EWSR1: variants seen among roughly 807,000 people sequenced by gnomAD.
EWSR1 encodes EWS RNA binding protein 1.
EWSR1 carries 14 observed loss-of-function variants against 92.1 expected under a neutral mutation model. That is an observed-to-expected ratio of 0.15 (90% CI 0.10 to 0.24). The LOEUF (loss-of-function observed/expected upper bound fraction) is 0.24, where lower values mean the gene tolerates loss of function less well. Among genes scored for constraint, EWSR1 ranks in the 10% least tolerant of loss-of-function variants. The pLI is 1.00. For synonymous variants in EWSR1, 303 were observed against 292.9 expected (o/e 1.03, Z -0.35); for missense variants, 637 against 870.9 (o/e 0.73, Z 3.38).
chr22:29,297,861 C>T lies in EWSR1; in HGVS notation c.1329C>T (p.Ser443=). ...TTCAAGGGAGCAAACTTAAAGTCTCCCTTGCTCGGAAGAAGCCTCCAATGA... is the reference window on the plus strand; with the variant it reads ...TTCAAGGGAGCAAACTTAAAGTCTCTCTTGCTCGGAAGAAGCCTCCAATGA... ...KDFQGSKLKV[S]LARKKPPMNS... is the part of the protein sequence containing the mutation. Residue 443 remains serine (S), a synonymous_variant, in exon 13 of 17, where the codon TCC becomes TCT. Transcript: ENST00000397938. The T allele has an allele frequency of 6.2e-7, 1 of 1,613,980 alleles. No individual in the cohort carries two copies. Among genetic ancestry groups the T allele is most frequent in the Non-Finnish European group, 8.5e-7 (1 of 1,179,986 alleles).
chr22:29,277,897 G>A, intron 4 of EWSR1, 133 bp from the exon 5 acceptor site: 1 of 732,256 alleles, frequency 1.4e-6, no homozygotes, highest in Non-Finnish European at 2.2e-6. Context: ...TACTCTTGCG[G>A]AAGGGGGAAT....
chr22:29,283,559 C>T (rs895067000), intron 6 of EWSR1, among the ~76,000 whole-genome samples: 4 of 150,924 alleles, frequency 2.7e-5, no homozygotes, highest in Non-Finnish European at 2.9e-5. Flanking sequence ...GAGTTTCGCT[C>T]TTGTTGCCCA....
intron 4 of EWSR1, among the ~76,000 whole-genome samples, chr22:29,275,404 T>C (rs2059025731): frequency 6.6e-6 from 1 of 152,190 alleles, no homozygotes. Context: ...ACTGTGGGCC[T>C]AAAAAGTACA....
At chr22:29,297,391 T>G (rs1247284958) in intron 12 of EWSR1, among the ~76,000 whole-genome samples, 1 of 152,170 alleles carries the variant, frequency 6.6e-6, no homozygotes, top group East Asian at 1.9e-4. Flanking sequence ...TTAAGTGTAT[T>G]TAAGTATGGC....
Position 29,283,694 on chromosome 22 carries a change from A to AT in EWSR1, c.581+1148dup, listed in dbSNP as rs131183. 1.0e-4 allele frequency among the ~76,000 whole-genome samples: 15 copies of AT among 147,568 alleles called. No homozygotes were observed. In the South Asian group the frequency reaches 1.9e-3, roughly 19 times the overall value. On this transcript the variant is annotated intron_variant, in intron 6 of 16. Transcript: ENST00000397938. ...GTGCTCACTACCACACCTGGCAAAAATTTTTTTTTTTGTATTTTTAGTAGA... is the reference window on the plus strand; with the variant it reads ...GTGCTCACTACCACACCTGGCAAAAATTTTTTTTTTTTGTATTTTTAGTAGA...
At chr22:29,287,170 A>G (rs773639979) in intron 7 of EWSR1, 36 bp downstream of exon 7, 2 of 1,590,362 alleles carry the variant, frequency 1.3e-6, no homozygotes, top group Non-Finnish European at 1.7e-6. Context: ...ATAAGAATGA[A>G]TGTGTTTAGA....
chr22:29,281,466 G>T (rs2059596717), intron 5 of EWSR1, among the ~76,000 whole-genome samples: 1 of 151,948 alleles, frequency 6.6e-6, no homozygotes, highest in South Asian at 2.1e-4. Context: ...CACCATACCT[G>T]GCTAATATTT....
intron 6 of EWSR1, among the ~76,000 whole-genome samples, chr22:29,285,981 G>A (rs555374335): frequency 6.6e-6 from 1 of 152,186 alleles, no homozygotes; most frequent in South Asian, 2.1e-4. Flanking sequence ...GGGACTACAG[G>A]CGCCCACCAC....
chr22:29,287,109 A>G lies in EWSR1; in HGVS notation c.768A>G (p.Gln256=), dbSNP rs187368856. The G allele has an allele frequency of 4.2e-4, 674 of 1,614,096 alleles. 6 individuals carry two copies. In the East Asian group the frequency reaches 0.014, roughly 33 times the overall value. ...GCCAAGCTCCAAGTCAATATAGCCA[A>G]CAGAGCAGCAGCTACGGGCAGCAGA... ...SYSQAPSQYS[Q]QSSSYGQQSS... Residue 256 remains glutamine (Q), a synonymous_variant, in exon 7 of 17, where the codon CAA becomes CAG. Coordinates refer to ENST00000397938, the MANE Select transcript of EWSR1 (RefSeq NM_005243.4).
At chr22:29,280,837 C>CTAAT (rs1259210216) in intron 5 of EWSR1, among the ~76,000 whole-genome samples, 2 of 134,256 alleles carry the variant, frequency 1.5e-5, no homozygotes, top group Non-Finnish European at 3.1e-5. Flanking sequence ...CTCTGCCCAG[C>CTAAT]TAATTTTGTG....
chr22:29,298,996 ATGATGACCC>A (rs1453676880), intron 14 of EWSR1, 101 bp downstream of exon 14: 29 of 1,388,400 alleles, frequency 2.1e-5, no homozygotes, highest in Non-Finnish European at 2.8e-5. Context: ...GAGGAACAGA[ATGATGACCC>A]TGATGGCTGG....
intron 4 of EWSR1, chr22:29,275,586 G>T (rs994864693): frequency 4.4e-6 from 1 of 228,722 alleles, no homozygotes; most frequent in East Asian, 6.3e-5. Flanking sequence ...AGCAAACTGT[G>T]TGAACAAAAC....
At chr22:29,268,487 C>G (rs986388259) in intron 1 of EWSR1, 138 bp downstream of exon 1, 61 of 1,492,632 alleles carry the variant, frequency 4.1e-5, no homozygotes, top group Non-Finnish European at 4.3e-5. Flanking sequence ...GCCCGACGAG[C>G]TCGGGGATCC....
At chr22:29,274,389 A>G in intron 4 of EWSR1, 1 of 1,232,724 alleles carries the variant, frequency 8.1e-7, no homozygotes, top group Non-Finnish European at 1.2e-6. Context: ...CAAACTTTCT[A>G]ACATCACACA....
chr22:29,298,930 A>T, intron 14 of EWSR1, 35 bp downstream of exon 14: 2 of 1,517,900 alleles, frequency 1.3e-6, no homozygotes, highest in South Asian at 2.7e-5. Flanking sequence ...ATACCCTACG[A>T]GTGAAGCCAC....
Position 29,290,531 on chromosome 22 carries a change from T to A in EWSR1, c.975-1031T>A, listed in dbSNP as rs773857347. The A allele has an allele frequency of 1.4e-5, 22 of 1,591,128 alleles. No individual in the cohort carries two copies. The African/African-American group carries it at 2.8e-4, about 21-fold the overall frequency. On this transcript the variant is annotated intron_variant, in intron 8 of 16. Coordinates refer to ENST00000397938, the MANE Select transcript of EWSR1 (RefSeq NM_005243.4). Reference sequence around the variant, plus strand: ...ACGGTGTCCATATGGAGAGGAAAAATATACATAGAATATTTTTAACAAAAT... The same window carrying A: ...ACGGTGTCCATATGGAGAGGAAAAAAATACATAGAATATTTTTAACAAAAT...
At chr22:29,268,767 C>T (rs1269727805) in intron 1 of EWSR1, among the ~76,000 whole-genome samples, 5 of 152,234 alleles carry the variant, frequency 3.3e-5, no homozygotes, top group African/African-American at 1.2e-4. Flanking sequence ...CCCTGTGAGG[C>T]CTCCCTCCCC....
At chr22:29,279,559 C>T (rs181512802) in intron 5 of EWSR1, among the ~76,000 whole-genome samples, 152 of 152,322 alleles carry the variant, frequency 1.0e-3, no homozygotes, top group African/African-American at 3.4e-3. Context: ...TAGATCTTTG[C>T]TTTAGGCAGT....
chr22:29,286,732 C>T (rs572074461), intron 6 of EWSR1, among the ~76,000 whole-genome samples, 191 bp from the exon 7 acceptor site: 3 of 150,926 alleles, frequency 2.0e-5, no homozygotes, highest in East Asian at 3.9e-4. Context: ...TTTACCCTCC[C>T]ATTTAATGTT....
Sources: gnomAD v4.1 joint callset for allele counts (sites outside exome capture counted in the v4.1 genomes callset) on GRCh38, gnomAD v4.1.1 for gene constraint, MANE v1.5 for transcripts, NCBI Gene and HGNC (gene_info 2026-07-23, HGNC 2026-07-21) for gene names.